The following CDKL2 variants were observed in gnomAD, a reference collection of about 807,000 sequenced individuals.
The protein encoded by CDKL2 is cyclin-dependent kinase-like 2.
A neutral mutation model predicts 63.9 loss-of-function variants in CDKL2; 64 were observed. The observed-to-expected ratio is 1.00, with a 90% CI of 0.82 to 1.23. The LOEUF (loss-of-function observed/expected upper bound fraction) is 1.23, where lower values mean the gene tolerates loss of function less well. Ranked by LOEUF, CDKL2 falls within the 50% of genes most tolerant of loss-of-function variation. CDKL2 has a pLI of 0.00. For missense variants in CDKL2, 656 were observed against 668.0 expected, an observed-to-expected ratio of 0.98 and a Z score of 0.20; for synonymous variants, 211 against 229.2, an observed-to-expected ratio of 0.92 and a Z score of 0.72.
At chr4:75,603,495 C>T (rs1375244530) in intron 6 of CDKL2, among the ~76,000 whole-genome samples, 2 of 149,894 alleles carry the variant, frequency 1.3e-5, no homozygotes, top group Non-Finnish European at 3.0e-5. Context: ...CTTTGGGAGG[C>T]CGAGGCGGGC....
chr4:75,608,611 T>C (rs1383415548), intron 3 of CDKL2, among the ~76,000 whole-genome samples: 1 of 152,126 alleles, frequency 6.6e-6, no homozygotes, highest in Admixed American at 6.6e-5. Flanking sequence ...AGAAGAGCAG[T>C]GGGACCAGTA....
Position 75,598,141 on chromosome 4 carries a change from T to C in CDKL2, c.956A>G (p.Asn319Ser). ...ATCTTTTTCTTTTTCCTTCTTTCTGTTTTGGGATTTTTTAGATAAAGAAAC... is the reference window on the plus strand; with the variant it reads ...ATCTTTTTCTTTTTCCTTCTTTCTGCTTTGGGATTTTTTAGATAAAGAAAC... ...RNVSLSKKSQ[N>S]RKKEKEKDDS... The change falls in exon 8 of 14, where the codon AAC (asparagine) becomes AGC (serine). Residue 319 changes from asparagine to serine, a missense_variant. Physicochemically the swap from Asn to Ser is conservative, Grantham distance 46. Transcript: ENST00000307465. The C allele has an allele frequency of 1.3e-6, 2 of 1,553,004 alleles. No homozygotes were observed. The highest frequency in any genetic ancestry group is 1.8e-6 in the Non-Finnish European group (2 of 1,137,798).
chr4:75,581,741 T>C (rs1391904675), intron 13 of CDKL2, 69 bp downstream of exon 13: 6 of 779,652 alleles, frequency 7.7e-6, no homozygotes, highest in Admixed American at 4.5e-5. Context: ...GAAAAATTGG[T>C]ATTCAGCAAG....
intron 12 of CDKL2, among the ~76,000 whole-genome samples, chr4:75,583,651 G>A (rs35883214): frequency 0.24 from 35,959 of 151,984 alleles, 4,605 homozygotes; most frequent in Middle Eastern, 0.36. Flanking sequence ...TGCCAAAGCG[G>A]TGGAAGCCAT....
rs1237053852 is a variant in CDKL2, at chr4:75,627,837, C to A, written c.-29-1820G>T. On this transcript the variant is annotated intron_variant, in intron 1 of 13. Coordinates refer to ENST00000307465, the MANE Select transcript of CDKL2 (RefSeq NM_001330724.2). ...CAAGCGATTCCCTGTTTCTGCCTCCCCAGTAGCTAGGGTTACAGGCACCGC... is the reference window on the plus strand; with the variant it reads ...CAAGCGATTCCCTGTTTCTGCCTCCACAGTAGCTAGGGTTACAGGCACCGC... Among the ~76,000 whole-genome samples, 3 of 148,804 alleles carry A rather than the reference C, an allele frequency of 2.0e-5. No homozygotes were observed. In the East Asian group the frequency reaches 5.9e-4, roughly 30 times the overall value.
intron 10 of CDKL2, among the ~76,000 whole-genome samples, chr4:75,593,756 A>T (rs1469548696): frequency 2.6e-5 from 4 of 152,208 alleles, no homozygotes; most frequent in African/African-American, 2.4e-5. Flanking sequence ...TTATAAACTA[A>T]GAATAATTAA....
At chr4:75,624,487 G>T (rs939857568) in intron 2 of CDKL2, among the ~76,000 whole-genome samples, 2 of 151,716 alleles carry the variant, frequency 1.3e-5, no homozygotes, top group African/African-American at 4.8e-5. Context: ...GGAGTTCAAG[G>T]CTGCAGTGAG....
Position 75,581,826 on chromosome 4 carries a change from A to C in CDKL2, c.*7T>G. 1 of 1,603,664 alleles carries C rather than the reference A, an allele frequency of 6.2e-7. No individual in the cohort carries two copies. ...CACACCTACCCAGTTCAGAACCAAA[A>C]TGGTTCTCAGTGCTGGTGTTCCATT... On this transcript the variant is annotated 3_prime_UTR_variant, in exon 13 of 14. Coordinates refer to ENST00000307465, the MANE Select transcript of CDKL2 (RefSeq NM_001330724.2).
chr4:75,604,522 A>G (rs1729340430), intron 5 of CDKL2, among the ~76,000 whole-genome samples: 1 of 152,230 alleles, frequency 6.6e-6, no homozygotes, highest in African/African-American at 2.4e-5. Flanking sequence ...TCTAAGCTCC[A>G]TCTTCAAACA....
intron 1 of CDKL2, among the ~76,000 whole-genome samples, chr4:75,628,842 A>C (rs751599569): frequency 2.6e-5 from 4 of 152,128 alleles, no homozygotes; most frequent in Admixed American, 6.5e-5. Flanking sequence ...TTGAGATTTT[A>C]TAATATATAT....
At chr4:75,623,573 G>C (rs1454811356) in intron 2 of CDKL2, among the ~76,000 whole-genome samples, 2 of 151,856 alleles carry the variant, frequency 1.3e-5, no homozygotes, top group Non-Finnish European at 2.9e-5. Flanking sequence ...CTAAAAGACA[G>C]AAACACAATG....
At chr4:75,605,025 T>C (rs1273396513) in intron 5 of CDKL2, among the ~76,000 whole-genome samples, 1 of 151,818 alleles carries the variant, frequency 6.6e-6, no homozygotes, top group Non-Finnish European at 1.5e-5. Context: ...ATGCATCAGA[T>C]AGACCAATGC....
chr4:75,607,195 A>G lies in CDKL2; in HGVS notation c.530T>C (p.Val177Ala). The G allele has an allele frequency of 6.2e-7, 1 of 1,608,338 alleles. No individual in the cohort carries two copies. The highest frequency in any genetic ancestry group is 8.5e-7 in the Non-Finnish European group (1 of 1,176,522). The change falls in exon 4 of 14, where the codon GTC (valine) becomes GCC (alanine). Residue 177 changes from valine to alanine, a missense_variant. Physicochemically the swap from Val to Ala is moderately conservative, Grantham distance 64. Transcript: ENST00000307465. ...ACTGATGTCTTACTTGCCATACTTG[A>G]CATCACCAACCAATAGTTCTGGAGC... ...YRAPELLVGD[V>A]KYGKAVDVWA...
Position 75,597,061 on chromosome 4 carries a change from T to C in CDKL2, c.1196A>G (p.Asn399Ser). The C allele has an allele frequency of 5.6e-6, 9 of 1,614,228 alleles. No individual in the cohort carries two copies. The highest frequency in any genetic ancestry group is 7.6e-6 in the Non-Finnish European group (9 of 1,180,034). The change falls in exon 9 of 14, where the codon AAT (asparagine) becomes AGT (serine). Residue 399 changes from asparagine (N) to serine (S), a missense_variant. Asn to Ser is a conservative substitution (Grantham distance 46). Coordinates refer to ENST00000307465, the MANE Select transcript of CDKL2 (RefSeq NM_001330724.2). Reference sequence around the variant, plus strand: ...ATTCCTTGTGTGGTCCACGCTGACATTGCTGCAGTCTTTGAGGCTTGTTGA... The same window carrying C: ...ATTCCTTGTGTGGTCCACGCTGACACTGCTGCAGTCTTTGAGGCTTGTTGA... ...VPSTSLKDCS[N>S]VSVDHTRNPS... is the part of the protein sequence containing the mutation.
Position 75,581,774 on chromosome 4 carries a change from G to T in CDKL2, c.*23+36C>A, listed in dbSNP as rs1728273747. On this transcript the variant is annotated intron_variant, in intron 13 of 13. Transcript: ENST00000307465. ...AAGCCACAAAATAGTACCTGTGAAA[G>T]GCTGCACAGCTTTAAGTATGGGAAA... 2.1e-5 allele frequency: 25 copies of T among 1,208,442 alleles called. 1 individual carries two copies. In the South Asian group the frequency reaches 2.9e-4, roughly 14 times the overall value. The allele number at this position is 1,208,442 out of a possible 1,614,324, so 74.9% of individuals were successfully genotyped here. A position where few individuals can be genotyped will look rare whatever the true frequency, so the allele number is the denominator to read the frequency against.
chr4:75,629,763 A>C (rs748487362), intron 1 of CDKL2, among the ~76,000 whole-genome samples: 3 of 152,018 alleles, frequency 2.0e-5, no homozygotes, highest in Non-Finnish European at 2.9e-5. Context: ...AACATGGAGA[A>C]ACCCTGTCTC....
intron 6 of CDKL2, among the ~76,000 whole-genome samples, chr4:75,601,556 A>C (rs1469190095): frequency 6.6e-6 from 1 of 152,206 alleles, no homozygotes; most frequent in African/African-American, 2.4e-5. Flanking sequence ...AAGGTTGATA[A>C]TTGTGGAAAC....
Position 75,600,313 on chromosome 4 carries a change from A to G in CDKL2, c.852T>C (p.His284=). The stretch of plus-strand genomic sequence containing the variant: ...CAAATCCATCCATTTGAAAGAAATC[A>G]TGGTGTAGGAGCTCAGCACAGAAGG... ...KRPFCAELLH[H]DFFQMDGFAE... The change falls in exon 7 of 14, where the codon CAT becomes CAC. Residue 284 remains histidine, a synonymous_variant. Transcript: ENST00000307465. 6.2e-7 allele frequency: 1 copy of G among 1,613,668 alleles called. No homozygotes were observed. The highest frequency in any genetic ancestry group is 8.5e-7 in the Non-Finnish European group (1 of 1,179,694).
chr4:75,580,991 C>T (rs559351066), intron 13 of CDKL2, among the ~76,000 whole-genome samples: 20 of 152,268 alleles, frequency 1.3e-4, no homozygotes, highest in African/African-American at 3.1e-4. Flanking sequence ...TGAGCCACCG[C>T]GCCCAGCCTT....
Sources: allele counts gnomAD v4.1 joint callset (sites outside exome capture counted in the v4.1 genomes callset), GRCh38; gene constraint gnomAD v4.1.1; transcripts MANE v1.5; gene names NCBI Gene and HGNC (gene_info 2026-07-23, HGNC 2026-07-21).